The following SAMSN1 variants were observed in gnomAD, a reference collection of about 807,000 sequenced individuals.
SAMSN1 encodes the protein SAM domain-containing protein SAMSN-1.
SAMSN1 carries 31 observed loss-of-function variants against 42.0 expected under a neutral mutation model. The observed-to-expected ratio is 0.74, with a 90% confidence interval of 0.55 to 1.00. The LOEUF is 1.00. Ranked by LOEUF, SAMSN1 falls within the 50% of genes least tolerant of loss-of-function variation. The probability of loss-of-function intolerance (pLI) is 0.00; values close to 1 mark genes in which losing one functional copy is unlikely to be tolerated. For synonymous variants in SAMSN1, 178 were observed against 151.9 expected, an observed-to-expected ratio of 1.17 and a Z score of -1.26; for missense variants, 464 against 439.4, an observed-to-expected ratio of 1.06 and a Z score of -0.50.
At chr21:14,491,347 A>G (rs571006917) in intron 7 of SAMSN1, among the ~76,000 whole-genome samples, 44 of 151,912 alleles carry the variant, frequency 2.9e-4, no homozygotes, top group African/African-American at 9.2e-4. Flanking sequence ...GACTCAAGCA[A>G]TCCTCCTGCC....
intron 4 of SAMSN1, among the ~76,000 whole-genome samples, chr21:14,610,025 G>T (rs1422532105): frequency 6.6e-6 from 1 of 152,150 alleles, no homozygotes; most frequent in Non-Finnish European, 1.5e-5. Context: ...TGCACAAATT[G>T]TTTGTAGAGC....
intron 2 of SAMSN1, among the ~76,000 whole-genome samples, chr21:14,633,283 T>A (rs1200440726): frequency 6.6e-6 from 1 of 152,136 alleles, no homozygotes. Flanking sequence ...ACAGTGGTGT[T>A]CACTGAGGTC....
At chr21:14,503,539 T>G (rs1987267383) in intron 5 of SAMSN1, among the ~76,000 whole-genome samples, 2 of 152,206 alleles carry the variant, frequency 1.3e-5, no homozygotes, top group South Asian at 2.1e-4. Flanking sequence ...TGTTGTTTGA[T>G]GCCTCTGAGC....
At chr21:14,566,943 A>G (rs773076301) in intron 2 of SAMSN1, among the ~76,000 whole-genome samples, 52 of 152,168 alleles carry the variant, frequency 3.4e-4, no homozygotes, top group Non-Finnish European at 6.8e-4. Context: ...ATCTTAGGAT[A>G]TAGAGATCAT....
chr21:14,621,943 A>G (rs1983022317), intron 2 of SAMSN1, among the ~76,000 whole-genome samples: 1 of 152,248 alleles, frequency 6.6e-6, no homozygotes, highest in African/African-American at 2.4e-5. Flanking sequence ...AGGAAAGATC[A>G]GGCAGCAACA....
chr21:14,640,523 TCAA>T (rs1035130636), intron 2 of SAMSN1, among the ~76,000 whole-genome samples: 3 of 151,752 alleles, frequency 2.0e-5, no homozygotes, highest in Non-Finnish European at 2.9e-5. Context: ...TTTCCTTACA[TCAA>T]GATGGGGGAA....
chr21:14,573,636 A>C (rs1177418970), intron 2 of SAMSN1, among the ~76,000 whole-genome samples: 1 of 152,220 alleles, frequency 6.6e-6, no homozygotes, highest in Non-Finnish European at 1.5e-5. Context: ...TTGCTTTGAA[A>C]AATTAGAAAG....
intron 1 of SAMSN1, among the ~76,000 whole-genome samples, chr21:14,534,801 G>T (rs899484374): frequency 6.6e-6 from 1 of 152,112 alleles, no homozygotes; most frequent in Non-Finnish European, 1.5e-5. Context: ...CCACAATGAG[G>T]CTCAACAGGC....
In SAMSN1 at chr21:14,545,486, T is replaced by G. The variant is rs375066889; in HGVS notation, c.57+719A>C. Among the ~76,000 whole-genome samples the G allele has an allele frequency of 2.1e-4, 32 of 152,256 alleles. 1 individual carries two copies. The highest frequency in any genetic ancestry group is 1.7e-3 in the South Asian group (8 of 4,830). On this transcript the variant is annotated intron_variant, in intron 1 of 7. Coordinates refer to ENST00000400566, the MANE Select transcript of SAMSN1 (RefSeq NM_022136.5). The stretch of plus-strand genomic sequence containing the variant: ...TTTGTAAATAGTTGTTTTACGTTAT[T>G]AATAAATCTAGAGTTCTACAATAGA...
At chr21:14,538,027 T>G (rs553037855) in intron 1 of SAMSN1, among the ~76,000 whole-genome samples, 26 of 152,338 alleles carry the variant, frequency 1.7e-4, no homozygotes, top group African/African-American at 6.0e-4. Flanking sequence ...TGGTTTTATG[T>G]TTGCATTATA....
At chr21:14,648,996 A>G (rs981984181) in intron 1 of SAMSN1, among the ~76,000 whole-genome samples, 1 of 151,912 alleles carries the variant, frequency 6.6e-6, no homozygotes, top group Non-Finnish European at 1.5e-5. Context: ...CATTATTCAC[A>G]ATAGCAAAGA....
At chr21:14,494,638 A>G (rs1986835541) in intron 7 of SAMSN1, among the ~76,000 whole-genome samples, 1 of 151,800 alleles carries the variant, frequency 6.6e-6, no homozygotes, top group African/African-American at 2.4e-5. Context: ...GCAAACCACC[A>G]TGGCATGTGT....
intron 1 of SAMSN1, among the ~76,000 whole-genome samples, chr21:14,648,474 A>G (rs1489514826): frequency 2.6e-5 from 4 of 152,312 alleles, no homozygotes; most frequent in South Asian, 4.1e-4. Context: ...CCATCAGAGT[A>G]AACAGGCAAC....
intron 1 of SAMSN1, among the ~76,000 whole-genome samples, chr21:14,644,010 T>C (rs1330126530): frequency 6.6e-6 from 1 of 152,172 alleles, no homozygotes; most frequent in East Asian, 1.9e-4. Flanking sequence ...CTGATCCCAA[T>C]GGTCCAAGGT....
At chr21:14,547,616 C>T (rs1310433994), upstream of SAMSN1, among the ~76,000 whole-genome samples, 1 of 152,108 alleles carries the variant, frequency 6.6e-6, no homozygotes, top group Non-Finnish European at 1.5e-5. Flanking sequence ...TATTCTTAAT[C>T]AGCAGCTTTT....
At chr21:14,644,622 C>T (rs530554915) in intron 1 of SAMSN1, among the ~76,000 whole-genome samples, 11 of 152,262 alleles carry the variant, frequency 7.2e-5, no homozygotes, top group Admixed American at 2.6e-4. Flanking sequence ...AGGAAAACTT[C>T]TGTTTGAGAA....
At chr21:14,586,870 A>G (rs901948087), upstream of SAMSN1, among the ~76,000 whole-genome samples, 2 of 152,234 alleles carry the variant, frequency 1.3e-5, no homozygotes, top group African/African-American at 4.8e-5. Flanking sequence ...CAAGTAGCAG[A>G]GAGAAGAGAA....
chr21:14,517,134 GATT>G, intron 2 of SAMSN1, 93 bp from the exon 3 acceptor site: 1 of 1,192,950 alleles, frequency 8.4e-7, no homozygotes, highest in Non-Finnish European at 1.2e-6. Context: ...TGAGTTTGTG[GATT>G]TTGCATGCAT....
Position 14,486,128 on chromosome 21 carries a change from A to G in SAMSN1, c.920-14T>C. The G allele has an allele frequency of 1.9e-6, 3 of 1,597,486 alleles. No homozygotes were observed. Among genetic ancestry groups the G allele is most frequent in the Non-Finnish European group, 2.6e-6 (3 of 1,166,238 alleles). ...GCTCTTGAATAACTGTAAATGGAAA[A>G]AAAGGGCAGGAGTTAGGTAAAGCAA... is the stretch of plus-strand genomic sequence containing the variant. On this transcript the variant is annotated splice_polypyrimidine_tract_variant and intron_variant, in intron 7 of 7. Coordinates refer to ENST00000400566, the MANE Select transcript of SAMSN1 (RefSeq NM_022136.5).
Sources: allele counts gnomAD v4.1 joint callset (sites outside exome capture counted in the v4.1 genomes callset), GRCh38; gene constraint gnomAD v4.1.1; transcripts MANE v1.5; gene names NCBI Gene and HGNC (gene_info 2026-07-23, HGNC 2026-07-21).